The following MAU2 variants were observed in gnomAD, a reference collection of about 807,000 sequenced individuals.
The protein encoded by MAU2 is MAU2 sister chromatid cohesion factor.
MAU2 carries 9 observed loss-of-function variants against 89.1 expected under a neutral mutation model. The ratio of observed to expected loss-of-function variants is 0.10; its 90% CI spans 0.06 to 0.18. The LOEUF is 0.18. Ranked by LOEUF, MAU2 falls within the 10% of genes least tolerant of loss-of-function variation. The probability of loss-of-function intolerance (pLI) is 1.00; values close to 1 mark genes in which losing one functional copy is unlikely to be tolerated. For synonymous variants in MAU2, 357 were observed against 343.4 expected, an observed-to-expected ratio of 1.04 and a Z score of -0.44; for missense variants, 425 against 803.5, an observed-to-expected ratio of 0.53 and a Z score of 5.69.
At chr19:19,347,116 T>C in intron 12 of MAU2, 164 bp from the exon 13 acceptor site, 1 of 596,036 alleles carries the variant, frequency 1.7e-6, no homozygotes, top group Non-Finnish European at 3.0e-6. Flanking sequence ...GAAGAAGTAA[T>C]AGCTGTGTTA....
intron 16 of MAU2, among the ~76,000 whole-genome samples, chr19:19,350,666 C>T (rs1283376579): frequency 4.0e-5 from 6 of 150,896 alleles, no homozygotes; most frequent in East Asian, 2.0e-4. Context: ...TTTGGGAGGC[C>T]AAGGCGGGCA....
rs558002123 is a variant in MAU2 at position 19,349,918 on chromosome 19, C to A, written c.1548+482C>A. 6.6e-5 allele frequency among the ~76,000 whole-genome samples: 10 copies of A among 151,886 alleles called. No homozygotes were observed. In the East Asian group the frequency reaches 1.9e-3, roughly 29 times the overall value. On this transcript the variant is annotated intron_variant, in intron 16 of 18. Coordinates refer to ENST00000262815, the MANE Select transcript of MAU2 (RefSeq NM_015329.4). ...CAGTCTCTGGTGGGACTGGCCGCCT[C>A]AGTCCTTCCTGTCAATTCCTCGCCT...
At chr19:19,355,456 G>A in intron 18 of MAU2, 65 bp downstream of exon 18, 1 of 1,592,498 alleles carries the variant, frequency 6.3e-7, no homozygotes. Context: ...AAGAGGAAGG[G>A]GCACCTTGGC....
At chr19:19,355,486 A>G (rs2048167432) in intron 18 of MAU2, 95 bp downstream of exon 18, 2 of 1,536,798 alleles carry the variant, frequency 1.3e-6, no homozygotes, top group African/African-American at 1.4e-5. Flanking sequence ...CTTTTGTCCA[A>G]CAAACCCTAA....
chr19:19,334,360 C>T (rs191501287), intron 1 of MAU2: 6 of 985,768 alleles, frequency 6.1e-6, no homozygotes, highest in Admixed American at 6.1e-5. Flanking sequence ...GTCAGGGGCT[C>T]GGGCTCTCTC....
At chr19:19,342,981 C>A in intron 9 of MAU2, 115 bp downstream of exon 9, 1 of 1,094,264 alleles carries the variant, frequency 9.1e-7, no homozygotes, top group South Asian at 1.3e-5. Flanking sequence ...GCCCAGCCAC[C>A]CTGCCTGGTG....
chr19:19,347,103 T>C (rs1474958787), intron 12 of MAU2, 177 bp from the exon 13 acceptor site: 2 of 577,382 alleles, frequency 3.5e-6, no homozygotes, highest in Admixed American at 6.2e-5. Flanking sequence ...GGTTTTATAA[T>C]GAGAAGAAGT....
In MAU2 at chr19:19,343,964, G is replaced by A. The variant is rs371160031; in HGVS notation, c.1077+24G>A. ...AGGTAAGGCTGGAAGCAGGAGGGGC[G>A]GGAAGGCCCAGGAGTTTGTTGGGTC... is the stretch of plus-strand genomic sequence containing the variant. On this transcript the variant is annotated intron_variant, in intron 10 of 18. Transcript: ENST00000262815. The A allele has an allele frequency of 4.8e-5, 76 of 1,590,814 alleles. 1 individual carries two copies. Among genetic ancestry groups the A allele is most frequent in the Middle Eastern group, 1.7e-4 (1 of 6,018 alleles).
At chr19:19,335,768 AG>A in intron 2 of MAU2, 33 bp downstream of exon 2, 1 of 1,609,892 alleles carries the variant, frequency 6.2e-7, no homozygotes, top group Non-Finnish European at 8.5e-7. Flanking sequence ...GTTCCCTTTA[AG>A]GAATTCTCCA....
chr19:19,347,477 C>A, intron 13 of MAU2, 111 bp downstream of exon 13: 1 of 793,046 alleles, frequency 1.3e-6, no homozygotes, highest in Non-Finnish European at 2.1e-6. Flanking sequence ...AGGGTGTTCA[C>A]CTTTTGAGGG....
At chr19:19,331,839 C>T (rs2146666657) in intron 1 of MAU2, among the ~76,000 whole-genome samples, 1 of 152,338 alleles carries the variant, frequency 6.6e-6, no homozygotes, top group Admixed American at 6.5e-5. Context: ...CTGGCTCACC[C>T]TGACACCAGG....
rs767296512 is a variant in MAU2, at chr19:19,345,127, T to C, written c.1156-177T>C. Reference sequence around the variant, plus strand: ...AGTGAGCATCTTGTCCCACCCCACATTGGCTTGGGTCTGAAAGGTGGGGAC... The same window carrying C: ...AGTGAGCATCTTGTCCCACCCCACACTGGCTTGGGTCTGAAAGGTGGGGAC... On this transcript the variant is annotated intron_variant, in intron 11 of 18. Transcript: ENST00000262815. The surrounding 1 kb of genome is among the most constrained non-coding windows in gnomAD (Gnocchi z 4.9). 3 of 719,198 alleles carry C rather than the reference T, an allele frequency of 4.2e-6. No individual in the cohort carries two copies. Among genetic ancestry groups the C allele is most frequent in the Non-Finnish European group, 4.8e-6 (2 of 419,656 alleles). 44.6% of individuals were successfully genotyped at this position (719,198 alleles called of 1,614,324 possible).
At chr19:19,327,085 A>ACAGGTGTG (rs1191171355) in intron 1 of MAU2, among the ~76,000 whole-genome samples, 3 of 148,522 alleles carry the variant, frequency 2.0e-5, no homozygotes, top group Non-Finnish European at 4.4e-5. Flanking sequence ...TGCTGGGATT[A>ACAGGTGTG]CAGGTGTGAG....
At chr19:19,336,047 A>G in intron 2 of MAU2, 75 bp from the exon 3 acceptor site, 1 of 1,051,000 alleles carries the variant, frequency 9.5e-7, no homozygotes, top group South Asian at 1.3e-5. Context: ...TTGGCAGGGT[A>G]GGAGCCCCAA....
intron 5 of MAU2, 74 bp from the exon 6 acceptor site, chr19:19,340,772 C>A: frequency 6.5e-7 from 1 of 1,550,002 alleles, no homozygotes; most frequent in Non-Finnish European, 8.8e-7. Context: ...GTCCTGTGAG[C>A]CTTGGGGTAA....
intron 1 of MAU2, among the ~76,000 whole-genome samples, chr19:19,326,523 A>G (rs1012341056): frequency 2.6e-5 from 4 of 150,954 alleles, no homozygotes; most frequent in African/African-American, 9.7e-5. Context: ...TGTCTCTACT[A>G]AAAAATACAA....
At chr19:19,326,723 T>TATGTGTATATATATATATAC (rs2061510760) in intron 1 of MAU2, among the ~76,000 whole-genome samples, 1 of 123,444 alleles carries the variant, frequency 8.1e-6, no homozygotes, top group Non-Finnish European at 1.7e-5. Context: ...TATATATACA[T>TATGTGTATATATATATATAC]ATATATATAT....
intron 5 of MAU2, among the ~76,000 whole-genome samples, 196 bp from the exon 6 acceptor site, chr19:19,340,650 T>C (rs747166045): frequency 2.0e-5 from 3 of 151,870 alleles, no homozygotes; most frequent in Non-Finnish European, 4.4e-5. Context: ...AAAAAATAAA[T>C]AAATAAATAA....
chr19:19,327,665 A>C (rs2061522658), intron 1 of MAU2, among the ~76,000 whole-genome samples: 1 of 150,848 alleles, frequency 6.6e-6, no homozygotes, highest in African/African-American at 2.4e-5. Flanking sequence ...TGTTGGCCAC[A>C]CTGGTCTCGA....
Sources: allele counts gnomAD v4.1 joint callset (sites outside exome capture counted in the v4.1 genomes callset), GRCh38; gene constraint gnomAD v4.1.1; non-coding constraint Gnocchi (gnomAD v3.1); transcripts MANE v1.5; gene names NCBI Gene and HGNC (gene_info 2026-07-23, HGNC 2026-07-21).